METTL25: variants seen among roughly 807,000 people sequenced by gnomAD.
METTL25 encodes the protein methyltransferase like 25, also known as probable methyltransferase-like protein 25.
METTL25 carries 64 observed loss-of-function variants against 71.6 expected under a neutral mutation model. That is an observed-to-expected ratio of 0.89 (90% confidence interval 0.73 to 1.10). The LOEUF is 1.10. Ranked by LOEUF, METTL25 falls within the 50% of genes least tolerant of loss-of-function variation. The pLI is 0.00. For missense variants in METTL25, 807 were observed against 707.0 expected, an observed-to-expected ratio of 1.14 and a Z score of -1.60; for synonymous variants, 287 against 250.3, an observed-to-expected ratio of 1.15 and a Z score of -1.38.
At chr12:82,380,902 A>G (rs1213490184) in intron 1 of METTL25, among the ~76,000 whole-genome samples, 1 of 152,214 alleles carries the variant, frequency 6.6e-6, no homozygotes. Flanking sequence ...CAAACACCTG[A>G]AAGAAGAGTG....
intron 1 of METTL25, among the ~76,000 whole-genome samples, chr12:82,372,181 T>G (rs577859291): frequency 2.0e-5 from 3 of 152,310 alleles, no homozygotes; most frequent in African/African-American, 7.2e-5. Context: ...CATATACCTA[T>G]CAGGATCATC....
chr12:82,393,544 A>G (rs75042693), intron 3 of METTL25, among the ~76,000 whole-genome samples: 3,070 of 152,166 alleles, frequency 0.02, 94 homozygotes, highest in African/African-American at 0.069. Flanking sequence ...TTTTCTAGGT[A>G]TAAGATCATA....
chr12:82,463,838 A>G (rs1031255206), intron 9 of METTL25, among the ~76,000 whole-genome samples: 1 of 151,826 alleles, frequency 6.6e-6, no homozygotes, highest in Non-Finnish European at 1.5e-5. Flanking sequence ...ATGATTAGTG[A>G]TGTTGAGCAT....
intron 1 of METTL25, among the ~76,000 whole-genome samples, chr12:82,386,198 C>A (rs1385697646): frequency 6.6e-6 from 1 of 152,082 alleles, no homozygotes; most frequent in Non-Finnish European, 1.5e-5. Flanking sequence ...CACGTGCACC[C>A]CGCCCCCCTG....
intron 5 of METTL25, among the ~76,000 whole-genome samples, chr12:82,423,647 A>G (rs1262374597): frequency 6.6e-6 from 1 of 152,218 alleles, no homozygotes; most frequent in Non-Finnish European, 1.5e-5. Flanking sequence ...TACTCATCTG[A>G]CAAAGGGCTA....
chr12:82,456,835 A>T lies in METTL25; in HGVS notation c.1572+15A>T. 8.1e-7 allele frequency: 1 copy of T among 1,237,194 alleles called. No homozygotes were observed. The highest frequency in any genetic ancestry group is 1.1e-6 in the Non-Finnish European group (1 of 900,104). 76.6% of individuals were successfully genotyped at this position (1,237,194 alleles called of 1,614,324 possible). A position where few individuals can be genotyped will look rare whatever the true frequency, so the allele number is the denominator to read the frequency against. On this transcript the variant is annotated intron_variant, in intron 9 of 11. Transcript: ENST00000248306. ...ATGAGTCCAAGGTCAGTATATGATG[A>T]CTCATTATTTTCAGAAAAGACAGAA...
chr12:82,369,319 A>G, intron 1 of METTL25: 1 of 304,146 alleles, frequency 3.3e-6, no homozygotes, highest in African/African-American at 2.2e-5. Context: ...GGTGTGTAGG[A>G]TATAGTAAGT....
intron 5 of METTL25, among the ~76,000 whole-genome samples, chr12:82,416,790 A>G (rs1234490043): frequency 6.6e-6 from 1 of 152,034 alleles, no homozygotes; most frequent in Non-Finnish European, 1.5e-5. Context: ...TAGTTTTAAT[A>G]TATTTTAGAA....
At chr12:82,413,938 G>A (rs1372261094) in intron 5 of METTL25, among the ~76,000 whole-genome samples, 1 of 151,304 alleles carries the variant, frequency 6.6e-6, no homozygotes, top group African/African-American at 2.4e-5. Flanking sequence ...AGTTTTATAT[G>A]TTTGGGTTTT....
At chr12:82,432,101 T>C (rs1308543645) in intron 6 of METTL25, among the ~76,000 whole-genome samples, 1 of 151,600 alleles carries the variant, frequency 6.6e-6, no homozygotes, top group East Asian at 1.9e-4. Flanking sequence ...CAAAGTAAAA[T>C]AAAATAAAAT....
At chr12:82,444,626 A>C (rs1047376035) in intron 8 of METTL25, among the ~76,000 whole-genome samples, 1 of 152,198 alleles carries the variant, frequency 6.6e-6, no homozygotes, top group Non-Finnish European at 1.5e-5. Context: ...AAAAAAGTAA[A>C]CAGACATCAA....
intron 3 of METTL25, among the ~76,000 whole-genome samples, chr12:82,397,921 T>G (rs1207477584): frequency 6.6e-6 from 1 of 152,064 alleles, no homozygotes; most frequent in East Asian, 1.9e-4. Context: ...TTCTTCAACC[T>G]TATTCTTTTT....
intron 3 of METTL25, 43 bp from the exon 4 acceptor site, chr12:82,398,752 T>A: frequency 7.5e-7 from 1 of 1,338,908 alleles, no homozygotes; most frequent in Non-Finnish European, 9.8e-7. Context: ...TCTATTACCA[T>A]TTGCCTAAAA....
chr12:82,362,623 G>C (rs1882081578), intron 1 of METTL25, among the ~76,000 whole-genome samples: 1 of 152,182 alleles, frequency 6.6e-6, no homozygotes, highest in African/African-American at 2.4e-5. Context: ...TCAGTATTTG[G>C]CTTTTATTCT....
chr12:82,443,215 A>T (rs1178060462), intron 8 of METTL25, among the ~76,000 whole-genome samples: 1 of 152,104 alleles, frequency 6.6e-6, no homozygotes, highest in East Asian at 1.9e-4. Context: ...TGAAGTAAAA[A>T]GAAAAGTTCT....
chr12:82,410,880 C>A (rs1887509838), intron 5 of METTL25, among the ~76,000 whole-genome samples: 1 of 152,044 alleles, frequency 6.6e-6, no homozygotes, highest in Admixed American at 6.6e-5. Context: ...CATCTTCAGT[C>A]TGTCTCATGC....
rs1481857832 is a variant in METTL25 at position 82,399,123 on chromosome 12, C to T, written c.860C>T (p.Ser287Phe). 1.2e-6 allele frequency: 2 copies of T among 1,613,728 alleles called. No homozygotes were observed. ...ILPDFSGSVI[S>F]NIRNQMETLH... Reference sequence around the variant, plus strand: ...CCTGATTTTTCTGGCTCTGTAATTTCTAATATCAGAAACCAAATGGAAACC... The same window carrying T: ...CCTGATTTTTCTGGCTCTGTAATTTTTAATATCAGAAACCAAATGGAAACC... Residue 287 changes from serine to phenylalanine, a missense_variant, in exon 4 of 12, where the codon TCT becomes TTT. Physicochemically the swap from Ser to Phe is radical, Grantham distance 155 (BLOSUM62 -2). Transcript: ENST00000248306.
Position 82,434,717 on chromosome 12 carries a change from G to C in METTL25, c.1397G>C (p.Gly466Ala). 1 of 1,609,270 alleles carries C rather than the reference G, an allele frequency of 6.2e-7. No individual in the cohort carries two copies. The highest frequency in any genetic ancestry group is 1.1e-5 in the South Asian group (1 of 90,928). Residue 466 changes from glycine (G) to alanine (A), a missense_variant, in exon 7 of 12, where the codon GGC becomes GCC. Gly to Ala is a moderately conservative substitution (Grantham distance 60). Coordinates refer to ENST00000248306, the MANE Select transcript of METTL25 (RefSeq NM_032230.3). ...ACLALERVAA[G>A]QGLPTESLFY... Reference sequence around the variant, plus strand: ...AAGGCATTGGAGCGGGTTGCAGCTGGCCAAGGGGTAAGTAAGAGTGTTAAC... The same window carrying C: ...AAGGCATTGGAGCGGGTTGCAGCTGCCCAAGGGGTAAGTAAGAGTGTTAAC...
At position 82,476,609 on chromosome 12, in the gene METTL25, T is replaced by G. The variant is rs372354307; in HGVS notation, c.1573-35T>G. The G allele has an allele frequency of 2.9e-4, 390 of 1,329,622 alleles. 1 individual carries two copies. Among genetic ancestry groups the G allele is most frequent in the Non-Finnish European group, 3.7e-4 (347 of 935,838 alleles). 82.4% of individuals were successfully genotyped at this position (1,329,622 alleles called of 1,614,324 possible). A position where few individuals can be genotyped will look rare whatever the true frequency, so the allele number is the denominator to read the frequency against. On this transcript the variant is annotated intron_variant, in intron 9 of 11. Transcript: ENST00000248306. ...TTGACAAGGAAAAATATTTTTAAAC[T>G]ATCGTTAAATTTATTGTTGTTTTTT...
Sources: allele counts gnomAD v4.1 joint callset (sites outside exome capture counted in the v4.1 genomes callset), GRCh38; gene constraint gnomAD v4.1.1; transcripts MANE v1.5; gene names NCBI Gene and HGNC (gene_info 2026-07-23, HGNC 2026-07-21).